Variants in MGAT4C observed in about 807,000 individuals in gnomAD.
MGAT4C encodes alpha-1,3-mannosyl-glycoprotein 4-beta-N-acetylglucosaminyltransferase C.
MGAT4C carries 19 observed loss-of-function variants against 40.1 expected under a neutral mutation model. The observed-to-expected ratio is 0.47, with a 90% CI of 0.33 to 0.70. MGAT4C has a LOEUF of 0.70. MGAT4C is among the 30% of genes least tolerant of loss of function. MGAT4C has a pLI of 0.02. For synonymous variants in MGAT4C, 181 were observed against 187.1 expected (o/e 0.97, Z 0.27); for missense variants, 491 against 563.2 (o/e 0.87, Z 1.30).
At chr12:86,045,134 G>T (rs780870777) in intron 2 of MGAT4C, among the ~76,000 whole-genome samples, 2 of 152,100 alleles carry the variant, frequency 1.3e-5, no homozygotes. Flanking sequence ...TGCTCATAGT[G>T]CACCAGTTTT....
chr12:85,994,636 C>CAAACAAA (rs996077923), intron 2 of MGAT4C, among the ~76,000 whole-genome samples: 5 of 151,472 alleles, frequency 3.3e-5, no homozygotes, highest in Non-Finnish European at 5.9e-5. Flanking sequence ...CGCCAAAAAA[C>CAAACAAA]AAACAAAAAA....
chr12:86,461,810 T>C (rs1182435472), intron 2 of MGAT4C, among the ~76,000 whole-genome samples: 1 of 152,180 alleles, frequency 6.6e-6, no homozygotes, highest in East Asian at 1.9e-4. Flanking sequence ...AAATGAAATT[T>C]ATACTGAGAA....
intron 1 of MGAT4C, among the ~76,000 whole-genome samples, chr12:86,817,968 A>G (rs2136223807): frequency 6.6e-6 from 1 of 151,548 alleles, no homozygotes; most frequent in South Asian, 2.1e-4. Context: ...AAACAAGACA[A>G]TACATAAATA....
chr12:86,201,430 AT>A (rs1950045966), intron 1 of MGAT4C, among the ~76,000 whole-genome samples: 1 of 140,810 alleles, frequency 7.1e-6, no homozygotes, highest in African/African-American at 2.6e-5. Context: ...ATAATATTTT[AT>A]TTTTATATTT....
At chr12:86,522,429 C>A (rs938382001) in intron 2 of MGAT4C, among the ~76,000 whole-genome samples, 2 of 152,114 alleles carry the variant, frequency 1.3e-5, no homozygotes, top group Admixed American at 1.3e-4. Flanking sequence ...GTTGAACCAA[C>A]TTTGCATCCC....
chr12:86,825,563 T>C (rs1404336874), intron 1 of MGAT4C, among the ~76,000 whole-genome samples: 2 of 151,438 alleles, frequency 1.3e-5, no homozygotes, highest in Admixed American at 6.6e-5. Context: ...AATGGCTATA[T>C]ATCACATAAG....
At chr12:86,183,819 A>C (rs1214036245) in intron 1 of MGAT4C, among the ~76,000 whole-genome samples, 3 of 152,190 alleles carry the variant, frequency 2.0e-5, no homozygotes, top group African/African-American at 7.2e-5. Flanking sequence ...CTATCAACTT[A>C]AGATCCCCTC....
chr12:86,376,059 T>C (rs543723302), intron 3 of MGAT4C, among the ~76,000 whole-genome samples: 22 of 152,182 alleles, frequency 1.4e-4, no homozygotes, highest in African/African-American at 5.3e-4. Flanking sequence ...ATTATTTGTC[T>C]ACATTACACT....
chr12:86,044,643 A>G (rs1173879258), intron 2 of MGAT4C, among the ~76,000 whole-genome samples: 1 of 152,108 alleles, frequency 6.6e-6, no homozygotes, highest in East Asian at 1.9e-4. Flanking sequence ...ATGTGTTAGC[A>G]GCAGCCGATC....
chr12:86,609,665 C>G (rs1308140977), intron 2 of MGAT4C, among the ~76,000 whole-genome samples: 1 of 151,674 alleles, frequency 6.6e-6, no homozygotes, highest in Non-Finnish European at 1.5e-5. Context: ...ACTCTGTTTA[C>G]TTAAAGGAAT....
chr12:86,319,799 A>G (rs1954335520), intron 4 of MGAT4C, among the ~76,000 whole-genome samples: 1 of 152,154 alleles, frequency 6.6e-6, no homozygotes. Context: ...TTTCACATCA[A>G]GTATCTGAAA....
intron 1 of MGAT4C, among the ~76,000 whole-genome samples, chr12:86,083,972 T>C (rs756797246): frequency 2.0e-5 from 3 of 151,892 alleles, no homozygotes; most frequent in Non-Finnish European, 4.4e-5. Flanking sequence ...AGCTCTCCCA[T>C]GGACCCCAAA....
At chr12:86,344,717 GGTGTGTGTGTGTGTGTGTGTGT>G (rs71076188) in intron 3 of MGAT4C, among the ~76,000 whole-genome samples, 1 of 139,414 alleles carries the variant, frequency 7.2e-6, no homozygotes, top group Non-Finnish European at 1.6e-5. Context: ...ATCTCTTCTC[GGTGTGTGTGTGTGTGTGTGTGT>G]GTGTGTGTGT....
In MGAT4C at chr12:85,980,360, T is replaced by G. The variant is rs1249823495; in HGVS notation, c.366A>C (p.Ser122=). ...KGNYLLETIK[S]IFEQSSYEEL... is the part of the protein sequence containing the mutation. ...CTTCATAGCTGGATTGCTCAAAAAT[T>G]GACTTAATTGTCTCAAGTAAATAGT... Residue 122 remains serine, a synonymous_variant, in exon 5 of 5, where the codon TCA becomes TCC. Transcript: ENST00000611864. 6.2e-7 allele frequency: 1 copy of G among 1,613,334 alleles called. No individual in the cohort carries two copies. Among genetic ancestry groups the G allele is most frequent in the African/African-American group, 1.3e-5 (1 of 74,904 alleles).
intron 1 of MGAT4C, among the ~76,000 whole-genome samples, chr12:86,239,470 A>ACAATTAAAATTAATAT (rs1280457091): frequency 2.0e-5 from 3 of 152,106 alleles, no homozygotes; most frequent in Admixed American, 6.6e-5. Context: ...AGCATGCTTT[A>ACAATTAAAATTAATAT]CAATTAAAAT....
intron 1 of MGAT4C, among the ~76,000 whole-genome samples, chr12:86,226,280 A>G (rs572310097): frequency 9.2e-5 from 14 of 152,010 alleles, no homozygotes; most frequent in Admixed American, 7.9e-4. Context: ...TAGCTCCCCT[A>G]TCAGAACCAT....
chr12:86,594,294 G>A (rs1475908035), intron 2 of MGAT4C, among the ~76,000 whole-genome samples: 3 of 152,080 alleles, frequency 2.0e-5, no homozygotes, highest in African/African-American at 7.2e-5. Context: ...AGTCTGGAGT[G>A]CAATTTTCAT....
intron 1 of MGAT4C, among the ~76,000 whole-genome samples, chr12:86,741,745 C>T (rs1052928173): frequency 2.0e-5 from 3 of 151,292 alleles, no homozygotes; most frequent in Non-Finnish European, 1.5e-5. Flanking sequence ...TTATTCCTAC[C>T]CAACTGCCTG....
chr12:86,289,746 C>T (rs932978739), intron 4 of MGAT4C, among the ~76,000 whole-genome samples: 6 of 152,190 alleles, frequency 3.9e-5, no homozygotes, highest in African/African-American at 1.2e-4. Flanking sequence ...AATTTTTGTA[C>T]ACTGGCTTTG....
Sources: gnomAD v4.1 joint callset for allele counts (sites outside exome capture counted in the v4.1 genomes callset) on GRCh38, gnomAD v4.1.1 for gene constraint, MANE v1.5 for transcripts, NCBI Gene and HGNC (gene_info 2026-07-23, HGNC 2026-07-21) for gene names.